The following PHYHD1 variants were observed in gnomAD, a reference collection of about 807,000 sequenced individuals.
PHYHD1 encodes phytanoyl-CoA dioxygenase domain-containing protein 1.
A neutral mutation model predicts 43.6 loss-of-function variants in PHYHD1; 42 were observed. The observed-to-expected ratio is 0.96, with a 90% CI of 0.75 to 1.25. The LOEUF is 1.25. Among genes scored for constraint, PHYHD1 ranks in the 50% most tolerant of loss-of-function variants. The pLI, the probability that PHYHD1 is intolerant of heterozygous loss-of-function variation, is 0.00. For missense variants in PHYHD1, 342 were observed against 370.8 expected, an observed-to-expected ratio of 0.92 and a Z score of 0.64; for synonymous variants, 139 against 143.6, an observed-to-expected ratio of 0.97 and a Z score of 0.23.
chr9:128,934,534 C>T (rs1325895957), intron 6 of PHYHD1, among the ~76,000 whole-genome samples: 2 of 151,916 alleles, frequency 1.3e-5, no homozygotes, highest in Non-Finnish European at 2.9e-5. Context: ...TTTGGGAGGC[C>T]AAGGTGGGTG....
At chr9:128,924,378 A>T (rs1005364622) in intron 3 of PHYHD1, among the ~76,000 whole-genome samples, 4 of 152,248 alleles carry the variant, frequency 2.6e-5, no homozygotes, top group Admixed American at 1.3e-4. Flanking sequence ...AGATCGCGCC[A>T]CTGCGCTCCA....
chr9:128,938,343 G>A (rs1461072628), intron 9 of PHYHD1, among the ~76,000 whole-genome samples: 3 of 151,356 alleles, frequency 2.0e-5, no homozygotes, highest in African/African-American at 7.3e-5. Flanking sequence ...ACCAAACCAA[G>A]CAAACAAAAA....
At chr9:128,935,486 T>G (rs1387768855) in intron 6 of PHYHD1, among the ~76,000 whole-genome samples, 1 of 149,966 alleles carries the variant, frequency 6.7e-6, no homozygotes, top group East Asian at 1.9e-4. Flanking sequence ...TAGCCGGACC[T>G]TGTTGTGGGC....
Position 128,934,057 on chromosome 9 carries a change from C to T in PHYHD1, c.315C>T (p.His105=), listed in dbSNP as rs774654680. Residue 105 remains histidine, a splice_region_variant and synonymous_variant, in exon 6 of 13, where the codon CAC becomes CAT. Coordinates refer to ENST00000372592, the MANE Select transcript of PHYHD1 (RefSeq NM_001100876.2). ...AGAAATCCATCAACAAAATTGGCCA[C>T]GGTGAGCAGGGGCTTGGGGGTACAG... is the stretch of plus-strand genomic sequence containing the variant. The part of the protein sequence containing the change: ...PPEKSINKIG[H]ALHAHDPVFK... 4.0e-5 allele frequency: 65 copies of T among 1,613,406 alleles called. No homozygotes were observed. Among genetic ancestry groups the T allele is most frequent in the Non-Finnish European group, 4.8e-5 (57 of 1,179,696 alleles).
At chr9:128,931,157 G>A (rs1037982773) in intron 4 of PHYHD1, among the ~76,000 whole-genome samples, 2 of 151,934 alleles carry the variant, frequency 1.3e-5, no homozygotes, top group East Asian at 1.9e-4. Flanking sequence ...TGTCATGCAG[G>A]CTGGAGTGCA....
chr9:128,931,239 G>C (rs1588249325), intron 4 of PHYHD1, among the ~76,000 whole-genome samples: 1 of 152,078 alleles, frequency 6.6e-6, no homozygotes, highest in African/African-American at 2.4e-5. Flanking sequence ...AGCCTCCAGA[G>C]TAGCTGGGAT....
chr9:128,941,249 C>T (rs1022669077), intron 11 of PHYHD1, among the ~76,000 whole-genome samples, 196 bp from the exon 12 acceptor site: 6 of 152,140 alleles, frequency 3.9e-5, no homozygotes, highest in Non-Finnish European at 8.8e-5. Flanking sequence ...GGGACTTGAT[C>T]CCAGAGGAAC....
chr9:128,939,218 CCAT>C (rs2131118154), intron 9 of PHYHD1, among the ~76,000 whole-genome samples: 1 of 131,264 alleles, frequency 7.6e-6, no homozygotes, highest in South Asian at 2.5e-4. Flanking sequence ...TTGCTGAGGA[CCAT>C]GTTCCTTTGT....
chr9:128,936,381 C>T (rs1841422491), intron 6 of PHYHD1, 67 bp from the exon 7 acceptor site: 18 of 1,556,572 alleles, frequency 1.2e-5, no homozygotes, highest in Non-Finnish European at 1.4e-5. Flanking sequence ...AGTGTGGGTG[C>T]CCAGAGCTGG....
In PHYHD1 at chr9:128,940,645, T is replaced by C. The variant is rs753359140; in HGVS notation, c.633T>C (p.Pro211=). 1 of 1,614,206 alleles carries C rather than the reference T, an allele frequency of 6.2e-7. No homozygotes were observed. The highest frequency in any genetic ancestry group is 1.7e-5 in the Admixed American group (1 of 60,024). Residue 211 remains proline (P), a synonymous_variant, in exon 11 of 13, where the codon CCT becomes CCC. Transcript: ENST00000372592. Reference sequence around the variant, plus strand: ...TCCGGGCCCCTGTTGGCTCAGCGCCTGGTACCAGCTTCCTTGGGTCAGAGC... The same window carrying C: ...TCCGGGCCCCTGTTGGCTCAGCGCCCGGTACCAGCTTCCTTGGGTCAGAGC... ...RMVRAPVGSA[P]GTSFLGSEPA...
At chr9:128,928,372 A>C (rs1841190436) in intron 4 of PHYHD1, among the ~76,000 whole-genome samples, 1 of 152,016 alleles carries the variant, frequency 6.6e-6, no homozygotes, top group Non-Finnish European at 1.5e-5. Context: ...GCCTTCAGAG[A>C]CTAATGGGTT....
chr9:128,936,365 A>G, intron 6 of PHYHD1, 83 bp from the exon 7 acceptor site: 2 of 1,528,142 alleles, frequency 1.3e-6, no homozygotes, highest in Non-Finnish European at 1.8e-6. Flanking sequence ...TGTCAAAGTA[A>G]GCCTGAGTGT....
intron 3 of PHYHD1, among the ~76,000 whole-genome samples, chr9:128,923,244 C>G (rs554634288): frequency 1.3e-3 from 198 of 152,184 alleles, no homozygotes; most frequent in Non-Finnish European, 2.3e-3. Flanking sequence ...GTGCCCGGTC[C>G]TATTTTTATT....
intron 3 of PHYHD1, 86 bp downstream of exon 3, chr9:128,922,442 C>A: frequency 3.4e-6 from 5 of 1,468,022 alleles, no homozygotes; most frequent in Non-Finnish European, 3.7e-6. Context: ...CAACCCACCC[C>A]CTGCCCCATT....
intron 2 of PHYHD1, 92 bp from the exon 3 acceptor site, chr9:128,922,191 A>C: frequency 2.9e-6 from 3 of 1,024,088 alleles, no homozygotes; most frequent in Non-Finnish European, 4.4e-6. Context: ...GGCTGTGTCT[A>C]GGGAAGGAGG....
chr9:128,936,840 C>T (rs1223829486), intron 8 of PHYHD1, among the ~76,000 whole-genome samples, 195 bp downstream of exon 8: 1 of 152,050 alleles, frequency 6.6e-6, no homozygotes, highest in African/African-American at 2.4e-5. Flanking sequence ...AGGGGCCGGG[C>T]GTGGTGGCTC....
chr9:128,934,342 T>G (rs906791411), intron 6 of PHYHD1, among the ~76,000 whole-genome samples: 4 of 150,592 alleles, frequency 2.7e-5, no homozygotes, highest in Admixed American at 6.7e-5. Flanking sequence ...TGAGCTGAGA[T>G]GTGCCATTGC....
Position 128,927,103 on chromosome 9 carries a change from A to G in PHYHD1, c.99A>G (p.Gln33=), listed in dbSNP as rs374226144. ...FLSAEECVAM[Q]QRIGEIVAEM... ...CTGCGGAAGAGTGTGTGGCCATGCA[A>G]CAAAGGATTGGCGAGATAGTGGCTG... Residue 33 remains glutamine (Q), a synonymous_variant, in exon 4 of 13, where the codon CAA becomes CAG. Transcript: ENST00000372592. 1.2e-6 allele frequency: 2 copies of G among 1,614,008 alleles called. No individual in the cohort carries two copies. Among genetic ancestry groups the G allele is most frequent in the African/African-American group, 2.7e-5 (2 of 74,904 alleles).
intron 9 of PHYHD1, 22 bp from the exon 10 acceptor site, chr9:128,940,347 C>T: frequency 6.2e-7 from 1 of 1,613,282 alleles, no homozygotes; most frequent in Non-Finnish European, 8.5e-7. Flanking sequence ...ATGAGCTCCT[C>T]ACCCCCCGTG....
Sources: gnomAD v4.1 joint callset for allele counts (sites outside exome capture counted in the v4.1 genomes callset) on GRCh38, gnomAD v4.1.1 for gene constraint, MANE v1.5 for transcripts, NCBI Gene and HGNC (gene_info 2026-07-23, HGNC 2026-07-21) for gene names.